TBC1D22B: variants seen among roughly 807,000 people sequenced by gnomAD.
The protein encoded by TBC1D22B is chromosome 6 open reading frame 197.
TBC1D22B carries 32 observed loss-of-function variants against 69.1 expected under a neutral mutation model. That is an observed-to-expected ratio of 0.46 (90% confidence interval 0.35 to 0.62). The LOEUF (loss-of-function observed/expected upper bound fraction) is 0.62. Among genes scored for constraint, TBC1D22B ranks in the 20% least tolerant of loss-of-function variants. The probability of loss-of-function intolerance (pLI) is 0.00; values close to 1 mark genes in which losing one functional copy is unlikely to be tolerated. For synonymous variants in TBC1D22B, 206 were observed against 229.8 expected (o/e 0.90, Z 0.94); for missense variants, 462 against 630.9 (o/e 0.73, Z 2.87).
At chr6:37,284,568 G>A in intron 6 of TBC1D22B, 104 bp downstream of exon 6, 2 of 1,290,444 alleles carry the variant, frequency 1.5e-6, no homozygotes, top group Non-Finnish European at 2.1e-6. Flanking sequence ...TCAGGCTGTG[G>A]TATATTGGTT....
At chr6:37,313,140 GCTC>G (rs1450602637) in intron 9 of TBC1D22B, 116 bp downstream of exon 9, 23 of 756,886 alleles carry the variant, frequency 3.0e-5, no homozygotes, top group Non-Finnish European at 5.4e-5. Flanking sequence ...ACCCACTATG[GCTC>G]CTCCTCCTTT....
chr6:37,288,811 G>C (rs954567118), intron 7 of TBC1D22B, among the ~76,000 whole-genome samples: 1 of 151,548 alleles, frequency 6.6e-6, no homozygotes, highest in South Asian at 2.1e-4. Flanking sequence ...TACAATATGG[G>C]AACTCAAACT....
chr6:37,263,917 T>A (rs1766187525), intron 1 of TBC1D22B, among the ~76,000 whole-genome samples: 1 of 152,200 alleles, frequency 6.6e-6, no homozygotes, highest in Non-Finnish European at 1.5e-5. Context: ...ATGTGACAAA[T>A]GTTAACATTT....
Position 37,330,688 on chromosome 6 carries a change from T to C in TBC1D22B, c.1390-356T>C, listed in dbSNP as rs144055386. ...ATTGTTACAACTATTTAAAGAAATA[T>C]GCATGTGAAGAAAAGACTGAAAATG... On this transcript the variant is annotated intron_variant, in intron 12 of 12. Transcript: ENST00000373491. 6.9e-3 allele frequency among the ~76,000 whole-genome samples: 1,045 copies of C among 152,320 alleles called. 12 individuals carry two copies. Among genetic ancestry groups the C allele is most frequent in the African/African-American group, 0.022 (931 of 41,570 alleles).
rs760973429 is a variant in TBC1D22B, at chr6:37,282,321, A to G, written c.558A>G (p.Leu186=). 1 of 1,613,444 alleles carries G rather than the reference A, an allele frequency of 6.2e-7. No homozygotes were observed. Among genetic ancestry groups the G allele is most frequent in the South Asian group, 1.1e-5 (1 of 91,004 alleles). Residue 186 remains leucine (L), a synonymous_variant, in exon 4 of 13, where the codon CTA becomes CTG. Transcript: ENST00000373491. Reference sequence around the variant, plus strand: ...TGACTGTCCGGGAGAAAACCCGCCTAGAAAAATTCCGTCAACTTCTCTCCA... The same window carrying G: ...TGACTGTCCGGGAGAAAACCCGCCTGGAAAAATTCCGTCAACTTCTCTCCA... ...PPMTVREKTR[L]EKFRQLLSSQ...
At chr6:37,276,704 G>A (rs555994556) in intron 2 of TBC1D22B, among the ~76,000 whole-genome samples, 1 of 152,066 alleles carries the variant, frequency 6.6e-6, no homozygotes, top group Admixed American at 6.6e-5. Flanking sequence ...GCCGAGGAGG[G>A]CAGATCACCT....
chr6:37,289,365 C>G (rs989767489), intron 7 of TBC1D22B, among the ~76,000 whole-genome samples: 2 of 152,252 alleles, frequency 1.3e-5, no homozygotes, highest in Admixed American at 6.5e-5. Context: ...CCACTCCTCT[C>G]TATAAGGCAG....
rs561930157 is a variant in TBC1D22B at position 37,258,827 on chromosome 6, T to A, written c.56+854T>A. Among the ~76,000 whole-genome samples, 13 of 152,294 alleles carry A rather than the reference T, an allele frequency of 8.5e-5. No individual in the cohort carries two copies. In the East Asian group the frequency reaches 2.3e-3, roughly 27 times the overall value. Reference sequence around the variant, plus strand: ...GTATAAGGAAGAGTGTGTATTTCAGTCGTAAATTTAAGATTTCTGCCAGCT... The same window carrying A: ...GTATAAGGAAGAGTGTGTATTTCAGACGTAAATTTAAGATTTCTGCCAGCT... On this transcript the variant is annotated intron_variant, in intron 1 of 12. Coordinates refer to ENST00000373491, the MANE Select transcript of TBC1D22B (RefSeq NM_017772.4).
At chr6:37,292,485 C>A (rs1767218602) in intron 8 of TBC1D22B, among the ~76,000 whole-genome samples, 1 of 152,090 alleles carries the variant, frequency 6.6e-6, no homozygotes, top group Admixed American at 6.5e-5. Context: ...TCCCCACCCC[C>A]CCGCCTTAAT....
chr6:37,322,482 A>C lies in TBC1D22B; in HGVS notation c.1389+5276A>C, dbSNP rs1237687003. ...CAGTGAGCCGAGATCGTGCCAGTGCACTCCAGCCAGGGCAGCAAAGTGAGA... is the reference window on the plus strand; with the variant it reads ...CAGTGAGCCGAGATCGTGCCAGTGCCCTCCAGCCAGGGCAGCAAAGTGAGA... On this transcript the variant is annotated intron_variant, in intron 12 of 12. Transcript: ENST00000373491. Among the ~76,000 whole-genome samples, 4 of 152,248 alleles carry C rather than the reference A, an allele frequency of 2.6e-5. No individual in the cohort carries two copies. The East Asian group carries it at 7.7e-4, about 29-fold the overall frequency.
chr6:37,309,036 T>A (rs1767823540), intron 8 of TBC1D22B, among the ~76,000 whole-genome samples: 1 of 152,272 alleles, frequency 6.6e-6, no homozygotes, highest in African/African-American at 2.4e-5. Flanking sequence ...GCCAGCTAAC[T>A]TTTATGTAAT....
intron 12 of TBC1D22B, among the ~76,000 whole-genome samples, chr6:37,318,763 G>A (rs1010077803): frequency 3.3e-5 from 5 of 152,176 alleles, no homozygotes; most frequent in African/African-American, 1.2e-4. Flanking sequence ...TAGGTGGTGG[G>A]TAGGCTAGGA....
intron 12 of TBC1D22B, among the ~76,000 whole-genome samples, chr6:37,317,822 G>A (rs1295230486): frequency 6.6e-6 from 1 of 152,138 alleles, no homozygotes; most frequent in Admixed American, 6.5e-5. Flanking sequence ...AGCAGGAAGA[G>A]TGTCTAGGCA....
chr6:37,300,649 A>C (rs1039192814), intron 8 of TBC1D22B, among the ~76,000 whole-genome samples: 1 of 152,130 alleles, frequency 6.6e-6, no homozygotes, highest in African/African-American at 2.4e-5. Context: ...GGCATGAGCC[A>C]CCGTGCCTGG....
At chr6:37,296,351 G>A (rs903164525) in intron 8 of TBC1D22B, among the ~76,000 whole-genome samples, 2 of 152,104 alleles carry the variant, frequency 1.3e-5, no homozygotes, top group Non-Finnish European at 2.9e-5. Flanking sequence ...CACCCAGGCT[G>A]GATTGATTGA....
At chr6:37,283,555 C>T (rs1398467540) in intron 5 of TBC1D22B, among the ~76,000 whole-genome samples, 1 of 152,240 alleles carries the variant, frequency 6.6e-6, no homozygotes, top group Non-Finnish European at 1.5e-5. Context: ...GCACTCACTG[C>T]AGAATGCATT....
chr6:37,310,006 A>G (rs1450724165), intron 8 of TBC1D22B, among the ~76,000 whole-genome samples: 1 of 147,374 alleles, frequency 6.8e-6, no homozygotes, highest in African/African-American at 2.5e-5. Flanking sequence ...AACTGTTAAT[A>G]TATAAATATA....
chr6:37,274,857 C>G (rs1214566162), intron 2 of TBC1D22B, among the ~76,000 whole-genome samples: 1 of 152,162 alleles, frequency 6.6e-6, no homozygotes, highest in Admixed American at 6.5e-5. Context: ...TCAAGACCAT[C>G]TTGGCCAACA....
chr6:37,315,826 C>T (rs956645180), intron 10 of TBC1D22B, among the ~76,000 whole-genome samples: 2 of 152,192 alleles, frequency 1.3e-5, no homozygotes, highest in African/African-American at 2.4e-5. Context: ...CCGCCCACCT[C>T]GGCCTCCCTA....
Sources: gnomAD v4.1 joint callset for allele counts (sites outside exome capture counted in the v4.1 genomes callset) on GRCh38, gnomAD v4.1.1 for gene constraint, MANE v1.5 for transcripts, NCBI Gene and HGNC (gene_info 2026-07-23, HGNC 2026-07-21) for gene names.